ATP6V1G3: variants seen among roughly 807,000 people sequenced by gnomAD.
ATP6V1G3 encodes the protein V-type proton ATPase subunit G 3.
Under a neutral mutation model 9.3 loss-of-function variants are expected in ATP6V1G3, and 9 were observed. The ratio of observed to expected loss-of-function variants is 0.97; its 90% CI spans 0.59 to 1.69. The LOEUF (loss-of-function observed/expected upper bound fraction) is 1.69. Among genes scored for constraint, ATP6V1G3 ranks in the 40% most tolerant of loss-of-function variants. ATP6V1G3 has a pLI of 0.00. For synonymous variants in ATP6V1G3, 43 were observed against 43.8 expected (o/e 0.98, Z 0.07); for missense variants, 133 against 139.0 (o/e 0.96, Z 0.22).
intron 1 of ATP6V1G3, chr1:198,536,669 G>T: frequency 1.3e-6 from 2 of 1,589,230 alleles, no homozygotes; most frequent in Non-Finnish European, 1.7e-6. Flanking sequence ...AACATTTCTA[G>T]TCATCTTACC....
chr1:198,531,442 C>T, intron 1 of ATP6V1G3, among the ~76,000 whole-genome samples: 1 of 152,094 alleles, frequency 6.6e-6, no homozygotes, highest in East Asian at 1.9e-4. Flanking sequence ...GCTGCTGTGA[C>T]CAAAAGCGGG....
intron 2 of ATP6V1G3, among the ~76,000 whole-genome samples, chr1:198,528,153 C>T (rs1251720814): frequency 2.6e-5 from 4 of 152,034 alleles, no homozygotes; most frequent in African/African-American, 9.7e-5. Flanking sequence ...TTCTTGTTTG[C>T]AAACATTGAT....
intron 2 of ATP6V1G3, among the ~76,000 whole-genome samples, chr1:198,527,024 G>T (rs1659682204): frequency 6.6e-6 from 1 of 152,124 alleles, no homozygotes; most frequent in South Asian, 2.1e-4. Context: ...TGCTTCCGTT[G>T]ATAAGTCAGG....
chr1:198,523,612 A>G (rs760646986), intron 2 of ATP6V1G3, 48 bp from the exon 3 acceptor site: 1 of 1,560,212 alleles, frequency 6.4e-7, no homozygotes, highest in African/African-American at 1.4e-5. Context: ...CAATTGTTTT[A>G]CAAGTTAAAT....
chr1:198,537,188 C>T (rs1009702754), intron 1 of ATP6V1G3, among the ~76,000 whole-genome samples: 1 of 152,144 alleles, frequency 6.6e-6, no homozygotes, highest in Non-Finnish European at 1.5e-5. Flanking sequence ...GTTCTTGATA[C>T]ATCAGGTTCA....
At chr1:198,531,256 C>T (rs1249160553) in intron 1 of ATP6V1G3, among the ~76,000 whole-genome samples, 2 of 152,126 alleles carry the variant, frequency 1.3e-5, no homozygotes, top group Non-Finnish European at 2.9e-5. Context: ...GCATATGCTC[C>T]ACCTGATTTA....
At chr1:198,539,668 G>C (rs1660266283) in intron 1 of ATP6V1G3, among the ~76,000 whole-genome samples, 1 of 152,172 alleles carries the variant, frequency 6.6e-6, no homozygotes, top group African/African-American at 2.4e-5. Context: ...CCTTAGACAA[G>C]TTGTATAATT....
chr1:198,538,918 A>AG (rs1660236111), intron 1 of ATP6V1G3, among the ~76,000 whole-genome samples: 3 of 151,352 alleles, frequency 2.0e-5, no homozygotes, highest in Non-Finnish European at 1.5e-5. Context: ...AAGAAGAAGA[A>AG]AAGAAAACCC....
chr1:198,527,742 G>T (rs1229172333), intron 2 of ATP6V1G3, among the ~76,000 whole-genome samples: 1 of 152,100 alleles, frequency 6.6e-6, no homozygotes, highest in Admixed American at 6.6e-5. Context: ...ACAAAGAAAT[G>T]ATTCTTTTGG....
chr1:198,532,309 C>G (rs1212400968), intron 1 of ATP6V1G3, among the ~76,000 whole-genome samples: 1 of 151,926 alleles, frequency 6.6e-6, no homozygotes, highest in South Asian at 2.1e-4. Flanking sequence ...TTGGAAGGAG[C>G]CAGTAGTAGT....
intron 1 of ATP6V1G3, among the ~76,000 whole-genome samples, chr1:198,531,087 A>G (rs951018100): frequency 1.3e-5 from 2 of 152,084 alleles, no homozygotes; most frequent in Non-Finnish European, 2.9e-5. Context: ...TATTAGCTCC[A>G]TCACACGGTG....
intron 1 of ATP6V1G3, among the ~76,000 whole-genome samples, chr1:198,529,458 T>A (rs906678513): frequency 1.3e-5 from 2 of 151,508 alleles, no homozygotes; most frequent in Non-Finnish European, 1.5e-5. Flanking sequence ...AAATGACAAC[T>A]TTTTTTTGCA....
At chr1:198,532,352 G>T (rs1659938349) in intron 1 of ATP6V1G3, among the ~76,000 whole-genome samples, 1 of 152,110 alleles carries the variant, frequency 6.6e-6, no homozygotes, top group Non-Finnish European at 1.5e-5. Flanking sequence ...AGACAGAAGA[G>T]AACATTCCAA....
At chr1:198,523,686 T>A in intron 2 of ATP6V1G3, 122 bp from the exon 3 acceptor site, 1 of 887,290 alleles carries the variant, frequency 1.1e-6, no homozygotes, top group Non-Finnish European at 1.6e-6. Flanking sequence ...TTTTCTAGAT[T>A]TTTTCAGAGA....
intron 2 of ATP6V1G3, among the ~76,000 whole-genome samples, chr1:198,528,490 T>G (rs1380352294): frequency 6.6e-5 from 10 of 152,092 alleles, no homozygotes; most frequent in Non-Finnish European, 2.9e-5. Flanking sequence ...GCTCCAAAGG[T>G]TTCATGCATT....
At position 198,538,328 on chromosome 1, in the gene ATP6V1G3, A is replaced by G. The variant is rs146483273; in HGVS notation, c.82+2241T>C. Among the ~76,000 whole-genome samples, 564 of 152,308 alleles carry G rather than the reference A, an allele frequency of 3.7e-3. 3 individuals are homozygous for G. The highest frequency in any genetic ancestry group is 0.013 in the African/African-American group (539 of 41,580). Reference sequence around the variant, plus strand: ...AGCATATTCACTAGAGAAAAGCAAAAGAAATTGGACTTTTATCTTTATTCT... The same window carrying G: ...AGCATATTCACTAGAGAAAAGCAAAGGAAATTGGACTTTTATCTTTATTCT... On this transcript the variant is annotated intron_variant, in intron 1 of 2. Transcript: ENST00000367382.
At chr1:198,532,001 G>A (rs1356206248) in intron 1 of ATP6V1G3, among the ~76,000 whole-genome samples, 2 of 152,154 alleles carry the variant, frequency 1.3e-5, no homozygotes, top group Admixed American at 6.6e-5. Flanking sequence ...GGTAAAGCGT[G>A]AGTTTGAGGA....
At chr1:198,534,218 A>T (rs1660020155) in intron 1 of ATP6V1G3, among the ~76,000 whole-genome samples, 1 of 152,206 alleles carries the variant, frequency 6.6e-6, no homozygotes, top group South Asian at 2.1e-4. Context: ...GGTATAAGGG[A>T]TTAAGACAGG....
upstream of ATP6V1G3, chr1:198,540,830 T>A (rs1660317572): frequency 3.2e-6 from 2 of 630,762 alleles, no homozygotes; most frequent in African/African-American, 1.8e-5. Flanking sequence ...CAAGGTGGAA[T>A]CTAGAAAAAC....
Sources: gnomAD v4.1 joint callset for allele counts (sites outside exome capture counted in the v4.1 genomes callset) on GRCh38, gnomAD v4.1.1 for gene constraint, MANE v1.5 for transcripts, NCBI Gene and HGNC (gene_info 2026-07-23, HGNC 2026-07-21) for gene names.